Variants in DNAH3 observed in about 807,000 individuals in gnomAD.
DNAH3 encodes the protein axonemal beta dynein heavy chain 3.
In DNAH3, 332 loss-of-function variants were observed where a neutral mutation model predicts 432.5. That is an observed-to-expected ratio of 0.77 (90% CI 0.70 to 0.84). The LOEUF (loss-of-function observed/expected upper bound fraction) is 0.84, where lower values mean the gene tolerates loss of function less well. Ranked by LOEUF, DNAH3 falls within the 40% of genes least tolerant of loss-of-function variation. The pLI, the probability that DNAH3 is intolerant of heterozygous loss-of-function variation, is 0.00. For synonymous variants in DNAH3, 1,956 were observed against 1,900.2 expected, an observed-to-expected ratio of 1.03 and a Z score of -0.76; for missense variants, 4,861 against 5,114.0, an observed-to-expected ratio of 0.95 and a Z score of 1.51.
chr16:21,152,553 G>C (rs1243601267), intron 1 of DNAH3, among the ~76,000 whole-genome samples: 1 of 152,280 alleles, frequency 6.6e-6, no homozygotes, highest in Non-Finnish European at 1.5e-5. Flanking sequence ...TCTGGGCTGG[G>C]CAAGGCCGAA....
exon 48 of DNAH3, chr16:20,985,498 T>G: frequency 6.2e-7 from 1 of 1,614,218 alleles, no homozygotes; most frequent in Non-Finnish European, 8.5e-7. Context: ...CCTAGAGATG[T>G]GCTCAATGGC....
chr16:21,135,472 C>T (rs957454643), intron 6 of DNAH3, among the ~76,000 whole-genome samples: 4 of 152,130 alleles, frequency 2.6e-5, no homozygotes, highest in African/African-American at 9.7e-5. Context: ...GTGGGTAGAT[C>T]ACTTGAGGTC....
At chr16:21,021,194 A>G (rs369241440) in intron 40 of DNAH3, among the ~76,000 whole-genome samples, 67 of 152,382 alleles carry the variant, frequency 4.4e-4, no homozygotes, top group African/African-American at 1.4e-3. Context: ...TTCTATGAAC[A>G]TGGTTATACA....
At chr16:21,138,204 C>T (rs961121406) in intron 5 of DNAH3, among the ~76,000 whole-genome samples, 5 of 151,396 alleles carry the variant, frequency 3.3e-5, no homozygotes, top group East Asian at 3.9e-4. Context: ...GGCAAGATCA[C>T]GCCACAGCAT....
chr16:21,069,572 C>T (rs577456196), exon 23 of DNAH3: 17 of 1,608,902 alleles, frequency 1.1e-5, no homozygotes, highest in Middle Eastern at 1.7e-4. Context: ...GTCTTGTATG[C>T]GAATTAGCTT....
chr16:20,996,273 A>C (rs1658624751), intron 44 of DNAH3, among the ~76,000 whole-genome samples: 1 of 152,212 alleles, frequency 6.6e-6, no homozygotes, highest in African/African-American at 2.4e-5. Context: ...ATCTACACAC[A>C]CACATACTGA....
exon 26 of DNAH3, chr16:21,060,309 G>A (rs2090299429): frequency 3.7e-6 from 6 of 1,613,984 alleles, no homozygotes; most frequent in Non-Finnish European, 5.1e-6. Context: ...CTCGCATACT[G>A]GCCAGCATCA....
chr16:21,155,331 G>GTT (rs2092890907), intron 1 of DNAH3, among the ~76,000 whole-genome samples: 1 of 151,878 alleles, frequency 6.6e-6, no homozygotes, highest in African/African-American at 2.4e-5. Flanking sequence ...TCAGGTAAAA[G>GTT]AATGTTTTAG....
rs557637750 is a variant in DNAH3 at position 21,082,595 on chromosome 16, T to C, written c.2878-868A>G. On this transcript the variant is annotated intron_variant, in intron 19 of 61. Coordinates refer to ENST00000261383, the Ensembl canonical transcript of DNAH3. ...CTGTAATCCCAGCACTTTGGGAGGC[T>C]GAGGCGGGCGGATCACTTGAGGTCA... is the stretch of plus-strand genomic sequence containing the variant. 6.9e-3 allele frequency among the ~76,000 whole-genome samples: 1,045 copies of C among 152,164 alleles called. 9 individuals are homozygous for C. The highest frequency in any genetic ancestry group is 0.011 in the South Asian group (54 of 4,820).
At chr16:21,125,985 AAAAC>A (rs1017394223) in intron 8 of DNAH3, among the ~76,000 whole-genome samples, 5 of 152,178 alleles carry the variant, frequency 3.3e-5, no homozygotes, top group East Asian at 1.9e-4. Flanking sequence ...CATCTCTACA[AAAAC>A]AAACAAACAA....
intron 18 of DNAH3, among the ~76,000 whole-genome samples, chr16:21,087,991 G>A (rs1173345578): frequency 6.6e-6 from 1 of 152,018 alleles, no homozygotes; most frequent in Non-Finnish European, 1.5e-5. Flanking sequence ...ATTTTGCTAA[G>A]AACCTTTAGC....
chr16:21,057,660 A>G (rs771429467), intron 27 of DNAH3, among the ~76,000 whole-genome samples: 4 of 152,216 alleles, frequency 2.6e-5, no homozygotes, highest in Non-Finnish European at 5.9e-5. Flanking sequence ...CTTGGTCACA[A>G]GAGAAAGCTG....
intron 1 of DNAH3, among the ~76,000 whole-genome samples, chr16:21,154,990 C>G (rs981772320): frequency 5.5e-5 from 8 of 145,276 alleles, no homozygotes; most frequent in African/African-American, 1.8e-4. Flanking sequence ...TGCTCTGTTG[C>G]CCAGGCTGGA....
chr16:21,081,557 A>G, intron 20 of DNAH3, 79 bp downstream of exon 20: 1 of 1,186,798 alleles, frequency 8.4e-7, no homozygotes, highest in Non-Finnish European at 1.2e-6. Flanking sequence ...ACAGCCCGAT[A>G]TGGAGCCAAT....
intron 36 of DNAH3, among the ~76,000 whole-genome samples, chr16:21,033,074 C>T (rs1357380719): frequency 6.6e-6 from 1 of 152,056 alleles, no homozygotes; most frequent in Non-Finnish European, 1.5e-5. Context: ...TGAAGTGATC[C>T]GCCCGCCTTG....
chr16:20,953,413 C>A (rs889869180), intron 55 of DNAH3, among the ~76,000 whole-genome samples: 1 of 152,100 alleles, frequency 6.6e-6, no homozygotes, highest in Non-Finnish European at 1.5e-5. Context: ...CCTGCCTCGG[C>A]CTCCCAAAGT....
exon 9 of DNAH3, chr16:21,125,266 A>G (rs2092423917): frequency 6.2e-7 from 1 of 1,613,790 alleles, no homozygotes. Context: ...CACAGAAGCA[A>G]AATATTCCTC....
intron 9 of DNAH3, among the ~76,000 whole-genome samples, chr16:21,124,787 C>A (rs1024508936): frequency 4.5e-4 from 69 of 152,084 alleles, no homozygotes; most frequent in African/African-American, 1.6e-3. Context: ...GTAGTTGGGA[C>A]TACAGGCATC....
At chr16:21,106,328 C>T (rs2091945346) in intron 15 of DNAH3, among the ~76,000 whole-genome samples, 162 bp downstream of exon 15, 1 of 152,064 alleles carries the variant, frequency 6.6e-6, no homozygotes, top group African/African-American at 2.4e-5. Flanking sequence ...TGAAAGGCAG[C>T]TCTTTTATAT....
Sources: gnomAD v4.1 joint callset for allele counts (sites outside exome capture counted in the v4.1 genomes callset) on GRCh38, gnomAD v4.1.1 for gene constraint, MANE v1.5 for transcripts, NCBI Gene and HGNC (gene_info 2026-07-23, HGNC 2026-07-21) for gene names.